CSMD3: variants seen among roughly 807,000 people sequenced by gnomAD.
CSMD3 encodes the protein CUB and sushi domain-containing protein 3.
A neutral mutation model predicts 435.2 loss-of-function variants in CSMD3; 177 were observed. The ratio of observed to expected loss-of-function variants is 0.41; its 90% CI spans 0.36 to 0.46. The LOEUF (loss-of-function observed/expected upper bound fraction) is 0.46. CSMD3 is among the 20% of genes least tolerant of loss of function. CSMD3 has a pLI of 0.34. For synonymous variants in CSMD3, 1,656 were observed against 1,520.5 expected (o/e 1.09, Z -2.07); for missense variants, 4,265 against 4,504.6 (o/e 0.95, Z 1.52).
rs762575022 is a variant in CSMD3 at position 112,830,367 on chromosome 8, G to A, written c.1756-578C>T. On this transcript the variant is annotated intron_variant, in intron 11 of 70. Transcript: ENST00000297405. ...ATTAAAATGAGCGGCAAAACTGGGA[G>A]CACAATACTTTGAGAGGCACACTAT... Among the ~76,000 whole-genome samples, 199 of 152,192 alleles carry A rather than the reference G, an allele frequency of 1.3e-3. 1 individual carries two copies. The highest frequency in any genetic ancestry group is 1.6e-3 in the Non-Finnish European group (111 of 67,990).
At chr8:112,879,460 AC>A (rs2081387099) in intron 10 of CSMD3, among the ~76,000 whole-genome samples, 1 of 152,020 alleles carries the variant, frequency 6.6e-6, no homozygotes, top group Non-Finnish European at 1.5e-5. Flanking sequence ...TTCTGGTTTC[AC>A]CCAGAACTTG....
intron 9 of CSMD3, among the ~76,000 whole-genome samples, chr8:112,933,959 C>A (rs1428773465): frequency 2.0e-5 from 3 of 151,892 alleles, no homozygotes; most frequent in African/African-American, 4.8e-5. Context: ...CAGCAACAAC[C>A]TTTTATGAGT....
intron 13 of CSMD3, among the ~76,000 whole-genome samples, chr8:112,771,614 A>C (rs1408473612): frequency 6.6e-6 from 1 of 152,012 alleles, no homozygotes; most frequent in Non-Finnish European, 1.5e-5. Context: ...GCAATAATTA[A>C]TTTCTAATGA....
rs554401300 is a variant in CSMD3, at chr8:112,518,496, T to A, written c.4565-1271A>T. Among the ~76,000 whole-genome samples, 20 of 152,148 alleles carry A rather than the reference T, an allele frequency of 1.3e-4. No individual in the cohort carries two copies. The South Asian group carries it at 4.1e-3, about 32-fold the overall frequency. ...GCACTAAATTTATAAGTGAATTTGTTTTGTAATATCCATCAGTGTTTCTCA... is the reference window on the plus strand; with the variant it reads ...GCACTAAATTTATAAGTGAATTTGTATTGTAATATCCATCAGTGTTTCTCA... On this transcript the variant is annotated intron_variant, in intron 27 of 70. Transcript: ENST00000297405.
At chr8:112,533,911 T>A (rs1825790006) in intron 27 of CSMD3, among the ~76,000 whole-genome samples, 1 of 152,034 alleles carries the variant, frequency 6.6e-6, no homozygotes, top group Admixed American at 6.6e-5. Flanking sequence ...ATTTGAATCA[T>A]CTTTTCTGAC....
At chr8:112,602,762 AAAT>A (rs1832469041) in intron 22 of CSMD3, among the ~76,000 whole-genome samples, 1 of 151,860 alleles carries the variant, frequency 6.6e-6, no homozygotes, top group Non-Finnish European at 1.5e-5. Flanking sequence ...GTTATTAAGA[AAAT>A]AATAAAAAAT....
intron 5 of CSMD3, among the ~76,000 whole-genome samples, chr8:113,076,839 G>C (rs1464327414): frequency 1.3e-5 from 2 of 152,070 alleles, no homozygotes; most frequent in African/African-American, 4.8e-5. Context: ...TAATGTCACT[G>C]GAAGCACAAA....
intron 32 of CSMD3, among the ~76,000 whole-genome samples, chr8:112,410,712 A>T (rs866413293): frequency 7.4e-6 from 1 of 134,770 alleles, no homozygotes; most frequent in Admixed American, 7.8e-5. Context: ...GTATATATAT[A>T]TATGTATATA....
intron 24 of CSMD3, among the ~76,000 whole-genome samples, chr8:112,565,612 AT>A (rs1828996319): frequency 6.6e-6 from 1 of 152,102 alleles, no homozygotes; most frequent in South Asian, 2.1e-4. Flanking sequence ...GATAATGAAC[AT>A]TTCTCCAGTG....
At chr8:112,360,038 G>C (rs894178307) in intron 38 of CSMD3, among the ~76,000 whole-genome samples, 3 of 151,968 alleles carry the variant, frequency 2.0e-5, no homozygotes, top group African/African-American at 7.2e-5. Context: ...TGATTTCATA[G>C]AGTCTTCATC....
intron 38 of CSMD3, among the ~76,000 whole-genome samples, chr8:112,359,816 A>T (rs908523431): frequency 3.9e-5 from 6 of 152,114 alleles, no homozygotes; most frequent in Admixed American, 3.9e-4. Context: ...GTCTCCAAGC[A>T]TGCATCATGT....
At chr8:113,403,387 T>A (rs1588668561) in intron 1 of CSMD3, among the ~76,000 whole-genome samples, 1 of 151,258 alleles carries the variant, frequency 6.6e-6, no homozygotes, top group East Asian at 1.9e-4. Flanking sequence ...TGAGTGACTT[T>A]TGGATGCAAA....
At chr8:112,743,652 G>A (rs948598319) in intron 13 of CSMD3, among the ~76,000 whole-genome samples, 27 of 152,004 alleles carry the variant, frequency 1.8e-4, no homozygotes, top group African/African-American at 6.5e-4. Context: ...GATTTTTAGA[G>A]AAGACAGAAT....
At chr8:112,940,660 G>T (rs2083424795) in intron 9 of CSMD3, among the ~76,000 whole-genome samples, 1 of 151,740 alleles carries the variant, frequency 6.6e-6, no homozygotes, top group South Asian at 2.1e-4. Context: ...AAACACACCT[G>T]CTGGGACTAT....
At chr8:112,498,123 T>C (rs555325204) in intron 30 of CSMD3, among the ~76,000 whole-genome samples, 5 of 152,240 alleles carry the variant, frequency 3.3e-5, no homozygotes, top group Middle Eastern at 3.4e-3. Context: ...TAATAACTTA[T>C]GTAGTCTTGT....
chr8:113,089,354 A>G (rs1413945375), intron 5 of CSMD3, among the ~76,000 whole-genome samples: 2 of 145,840 alleles, frequency 1.4e-5, no homozygotes, highest in African/African-American at 5.2e-5. Flanking sequence ...TTGTTCTTCA[A>G]GAGGAATTCT....
intron 3 of CSMD3, among the ~76,000 whole-genome samples, chr8:113,252,910 A>G (rs2093347061): frequency 6.6e-6 from 1 of 152,170 alleles, no homozygotes; most frequent in African/African-American, 2.4e-5. Flanking sequence ...AGAGGTAAAC[A>G]GACACTAGAA....
chr8:113,136,591 C>T (rs975152309), intron 4 of CSMD3, among the ~76,000 whole-genome samples: 15 of 151,412 alleles, frequency 9.9e-5, no homozygotes, highest in African/African-American at 1.9e-4. Context: ...ATGATCACGG[C>T]GACATAGGCA....
intron 59 of CSMD3, among the ~76,000 whole-genome samples, chr8:112,280,881 G>A (rs936908144): frequency 2.6e-5 from 4 of 152,130 alleles, no homozygotes; most frequent in African/African-American, 9.6e-5. Context: ...TTTAATTGCA[G>A]CTATAAATCA....
Sources: allele counts gnomAD v4.1 joint callset (sites outside exome capture counted in the v4.1 genomes callset), GRCh38; gene constraint gnomAD v4.1.1; transcripts MANE v1.5; gene names NCBI Gene and HGNC (gene_info 2026-07-23, HGNC 2026-07-21).